TENM3: variants seen among roughly 807,000 people sequenced by gnomAD.
The protein encoded by TENM3 is teneurin-3.
A neutral mutation model predicts 255.1 loss-of-function variants in TENM3; 63 were observed. The ratio of observed to expected loss-of-function variants is 0.25; its 90% CI spans 0.20 to 0.30. TENM3 has a LOEUF of 0.30. Among genes scored for constraint, TENM3 ranks in the 10% least tolerant of loss-of-function variants. The pLI is 1.00. For missense variants in TENM3, 2,929 were observed against 3,461.1 expected (o/e 0.85, Z 3.86); for synonymous variants, 1,306 against 1,322.3 (o/e 0.99, Z 0.27).
At chr4:182,499,794 A>G (rs1455895432) in intron 3 of TENM3, among the ~76,000 whole-genome samples, 1 of 152,168 alleles carries the variant, frequency 6.6e-6, no homozygotes, top group South Asian at 2.1e-4. Flanking sequence ...CCCAACCACA[A>G]GCCAGATTCC....
At chr4:182,449,108 CGGCCTGGGGCGGG>C (rs1561458201) in intron 3 of TENM3, 1 of 255,322 alleles carries the variant, frequency 3.9e-6, no homozygotes, top group Non-Finnish European at 7.7e-6. Flanking sequence ...GCGGCGGCGG[CGGCCTGGGGCGGG>C]CTGGCGGAGC....
chr4:182,088,646 AC>A, the TENM3 span, among the ~76,000 whole-genome samples: 1 of 152,122 alleles, frequency 6.6e-6, no homozygotes, highest in African/African-American at 2.4e-5. Context: ...CATCCCGGCT[AC>A]CATGGTGAAA....
At chr4:182,776,003 G>GAT (rs1315843401) in intron 24 of TENM3, among the ~76,000 whole-genome samples, 2 of 151,314 alleles carry the variant, frequency 1.3e-5, no homozygotes, top group South Asian at 4.2e-4. Context: ...ATAGATAGGA[G>GAT]ATATATATAG....
the TENM3 span, among the ~76,000 whole-genome samples, chr4:182,061,545 A>G: frequency 6.6e-6 from 1 of 152,072 alleles, no homozygotes; most frequent in African/African-American, 2.4e-5. Context: ...CCTCCTCCGA[A>G]ACTTTATAAA....
At chr4:181,652,102 A>C in the TENM3 span, among the ~76,000 whole-genome samples, 9 of 144,650 alleles carry the variant, frequency 6.2e-5, no homozygotes, top group Non-Finnish European at 3.0e-5. Context: ...TTTCAATCCC[A>C]TTTCTTTTCC....
At chr4:181,652,739 A>C in the TENM3 span, among the ~76,000 whole-genome samples, 1 of 152,210 alleles carries the variant, frequency 6.6e-6, no homozygotes, top group East Asian at 1.9e-4. Flanking sequence ...TGTTCCGCTA[A>C]CCTTAAATAA....
chr4:182,331,672 T>A (rs538100033), intron 2 of TENM3, among the ~76,000 whole-genome samples: 139 of 152,056 alleles, frequency 9.1e-4, no homozygotes, highest in Admixed American at 2.5e-3. Flanking sequence ...TAAAGATATA[T>A]TAGGTGAATA....
the TENM3 span, among the ~76,000 whole-genome samples, chr4:181,604,196 C>T: frequency 8.6e-5 from 13 of 151,940 alleles, no homozygotes; most frequent in African/African-American, 2.2e-4. Flanking sequence ...ACCCGGGAGG[C>T]GGAGCTTGCA....
chr4:181,810,335 G>T, the TENM3 span, among the ~76,000 whole-genome samples: 1 of 152,120 alleles, frequency 6.6e-6, no homozygotes, highest in Admixed American at 6.5e-5. Flanking sequence ...AAAGAAACAG[G>T]CAAGCAGGTT....
At chr4:181,722,489 A>ATT in the TENM3 span, among the ~76,000 whole-genome samples, 1 of 152,208 alleles carries the variant, frequency 6.6e-6, no homozygotes, top group African/African-American at 2.4e-5. Flanking sequence ...AGGAAACATA[A>ATT]TTTTAAAGGA....
the TENM3 span, among the ~76,000 whole-genome samples, chr4:181,575,734 C>A: frequency 6.6e-6 from 1 of 152,188 alleles, no homozygotes; most frequent in Non-Finnish European, 1.5e-5. Context: ...TGGGGTTCAA[C>A]TCCTTTTTCT....
chr4:181,806,356 C>G, the TENM3 span, among the ~76,000 whole-genome samples: 1 of 152,184 alleles, frequency 6.6e-6, no homozygotes, highest in Non-Finnish European at 1.5e-5. Flanking sequence ...ACTGTGCTAC[C>G]TGTCTCTTGT....
the TENM3 span, among the ~76,000 whole-genome samples, chr4:181,936,403 G>T: frequency 4.6e-5 from 7 of 152,170 alleles, no homozygotes; most frequent in East Asian, 9.7e-4. Flanking sequence ...AAAAGAAAAG[G>T]AATCAGATGT....
chr4:182,746,426 G>C (rs894754721), intron 19 of TENM3, among the ~76,000 whole-genome samples: 6 of 152,134 alleles, frequency 3.9e-5, no homozygotes, highest in Non-Finnish European at 8.8e-5. Flanking sequence ...CTGGGGGAGA[G>C]CTGAGCAAGA....
At chr4:182,765,177 A>T (rs991765664) in intron 22 of TENM3, among the ~76,000 whole-genome samples, 3 of 152,152 alleles carry the variant, frequency 2.0e-5, no homozygotes, top group Non-Finnish European at 4.4e-5. Context: ...AATTCCAAAG[A>T]TGTGGACACG....
At chr4:182,769,188 A>T (rs1419861288) in intron 22 of TENM3, among the ~76,000 whole-genome samples, 1 of 152,190 alleles carries the variant, frequency 6.6e-6, no homozygotes, top group Non-Finnish European at 1.5e-5. Context: ...CTGGAGTCAG[A>T]GTATTTCAGA....
At chr4:181,887,092 T>C in the TENM3 span, among the ~76,000 whole-genome samples, 1 of 152,202 alleles carries the variant, frequency 6.6e-6, no homozygotes, top group Admixed American at 6.5e-5. Context: ...TTTTTCTTCC[T>C]GCTCACCTTA....
At chr4:182,482,158 T>A (rs1734264631) in intron 3 of TENM3, among the ~76,000 whole-genome samples, 2 of 152,198 alleles carry the variant, frequency 1.3e-5, no homozygotes, top group African/African-American at 4.8e-5. Flanking sequence ...TAATGTAAAT[T>A]CAGTGATTTT....
At chr4:182,528,309 G>C (rs573606984) in intron 3 of TENM3, among the ~76,000 whole-genome samples, 2 of 151,938 alleles carry the variant, frequency 1.3e-5, no homozygotes, top group South Asian at 4.2e-4. Flanking sequence ...GTAGAGACAG[G>C]GTTTCACAGT....
Sources: allele counts gnomAD v4.1 joint callset (sites outside exome capture counted in the v4.1 genomes callset), GRCh38; gene constraint gnomAD v4.1.1; transcripts MANE v1.5; gene names NCBI Gene and HGNC (gene_info 2026-07-23, HGNC 2026-07-21).